Variants in TUBGCP6 observed in about 807,000 individuals in gnomAD.
TUBGCP6 encodes gamma-tubulin complex component 6.
In TUBGCP6, 161 loss-of-function variants were observed where a neutral mutation model predicts 175.8. The ratio of observed to expected loss-of-function variants is 0.92; its 90% confidence interval spans 0.81 to 1.04. The LOEUF is 1.04. TUBGCP6 is among the 50% of genes least tolerant of loss of function. The pLI, the probability that TUBGCP6 is intolerant of heterozygous loss-of-function variation, is 0.00. For synonymous variants in TUBGCP6, 1,173 were observed against 1,030.5 expected (o/e 1.14, Z -2.65); for missense variants, 2,572 against 2,433.0 (o/e 1.06, Z -1.20).
At chr22:50,238,756 C>G (rs1407098987) in intron 2 of TUBGCP6, among the ~76,000 whole-genome samples, 1 of 152,036 alleles carries the variant, frequency 6.6e-6, no homozygotes. Flanking sequence ...CCAGGATGGT[C>G]TCGATCTCCT....
At chr22:50,228,295 CCTTCCTCT>C (rs2064642830) in intron 4 of TUBGCP6, among the ~76,000 whole-genome samples, 1 of 149,356 alleles carries the variant, frequency 6.7e-6, no homozygotes, top group African/African-American at 2.5e-5. Flanking sequence ...CACCACCAAC[CCTTCCTCT>C]CATCTGAGCC....
rs962939627 is a variant in TUBGCP6 at position 50,244,250 on chromosome 22, G to T, written c.210C>A (p.Ile70=). ...CTCTCAAGTCAAAGGACAACATGAG[G>T]ATCTTGTTTCTCGCTGGTAGTTTTG... is the stretch of plus-strand genomic sequence containing the variant. The part of the protein sequence containing the change: ...DMSKLPARNK[I]LMLSFDLRVG... Residue 70 remains isoleucine (I), a synonymous_variant, in exon 1 of 25, where the codon ATC becomes ATA. Transcript: ENST00000248846. The T allele has an allele frequency of 6.2e-7, 1 of 1,613,536 alleles. No homozygotes were observed. Among genetic ancestry groups the T allele is most frequent in the South Asian group, 1.1e-5 (1 of 91,086 alleles).
Position 50,221,220 on chromosome 22 carries a change from G to A in TUBGCP6, c.3139C>T (p.Arg1047Trp), listed in dbSNP as rs538652140. ...GDYASEIAPT[R>W]PRWNTHGHVS... The stretch of plus-strand genomic sequence containing the variant: ...TGCCCGTGGGTGTTCCACCGTGGCC[G>A]GGTGGGAGCTATTTCAGAAGCGTAG... The change falls in exon 16 of 25, where the codon CGG becomes TGG. Residue 1047 changes from arginine (R) to tryptophan (W), a missense_variant. By Grantham distance (101) the Arg-to-Trp change is moderately radical. Coordinates refer to ENST00000248846, the MANE Select transcript of TUBGCP6 (RefSeq NM_020461.4). The A allele has an allele frequency of 3.8e-5, 61 of 1,614,096 alleles. No individual in the cohort carries two copies. Among genetic ancestry groups the A allele is most frequent in the South Asian group, 3.5e-4 (32 of 91,080 alleles).
intron 1 of TUBGCP6, among the ~76,000 whole-genome samples, chr22:50,243,091 G>A (rs1335277348): frequency 6.6e-6 from 1 of 152,160 alleles, no homozygotes; most frequent in Non-Finnish European, 1.5e-5. Flanking sequence ...GAGACGGGTG[G>A]ATCATTTGAG....
rs569573797 is a variant in TUBGCP6, at chr22:50,228,710, G to A, written c.1291-682C>T. ...TCTGCCTAGAAGCTCTCCCCGCCCCGTGCAGCTCCCACCATGCCCACCTCC... is the reference window on the plus strand; with the variant it reads ...TCTGCCTAGAAGCTCTCCCCGCCCCATGCAGCTCCCACCATGCCCACCTCC... On this transcript the variant is annotated intron_variant, in intron 4 of 24. Coordinates refer to ENST00000248846, the MANE Select transcript of TUBGCP6 (RefSeq NM_020461.4). Among the ~76,000 whole-genome samples, 32 of 152,060 alleles carry A rather than the reference G, an allele frequency of 2.1e-4. No individual in the cohort carries two copies. The East Asian group carries it at 2.1e-3, about 10-fold the overall frequency.
chr22:50,229,066 T>C (rs2064655600), intron 4 of TUBGCP6, among the ~76,000 whole-genome samples: 1 of 152,074 alleles, frequency 6.6e-6, no homozygotes, highest in Non-Finnish European at 1.5e-5. Flanking sequence ...GCGCTGTCAG[T>C]CATCCACAAT....
intron 2 of TUBGCP6, 125 bp from the exon 3 acceptor site, chr22:50,233,651 A>G: frequency 1.1e-6 from 1 of 951,438 alleles, no homozygotes; most frequent in Non-Finnish European, 1.6e-6. Context: ...ATAAACTCTA[A>G]GAAACATAGC....
chr22:50,230,010 A>C (rs1347497147), intron 3 of TUBGCP6, among the ~76,000 whole-genome samples: 1 of 152,170 alleles, frequency 6.6e-6, no homozygotes, highest in Non-Finnish European at 1.5e-5. Flanking sequence ...GGAGACCCCC[A>C]ATAGAGGGCT....
Position 50,221,199 on chromosome 22 carries a change from C to G in TUBGCP6, c.3160G>C (p.Gly1054Arg), listed in dbSNP as rs780441558. 1.2e-6 allele frequency: 2 copies of G among 1,611,836 alleles called. No individual in the cohort carries two copies. Among genetic ancestry groups the G allele is most frequent in the Non-Finnish European group, 1.7e-6 (2 of 1,178,138 alleles). The change falls in exon 16 of 25, where the codon GGG becomes CGG. Residue 1054 changes from glycine to arginine, a missense_variant. Physicochemically the swap from Gly to Arg is moderately radical, Grantham distance 125 (BLOSUM62 -2). Coordinates refer to ENST00000248846, the MANE Select transcript of TUBGCP6 (RefSeq NM_020461.4). ...CTGATGCTGGCGTCAGACACGTGCC[C>G]GTGGGTGTTCCACCGTGGCCGGGTG... Reference protein sequence around the residue: ...APTRPRWNTHGHVSDASIRVG... With the variant: ...APTRPRWNTHRHVSDASIRVG...
chr22:50,235,990 CAG>C (rs1354125265), intron 2 of TUBGCP6, among the ~76,000 whole-genome samples: 2 of 150,996 alleles, frequency 1.3e-5, no homozygotes, highest in Admixed American at 1.3e-4. Flanking sequence ...TTAATGGGTT[CAG>C]AGTTTCCTGC....
intron 13 of TUBGCP6, 55 bp downstream of exon 13, chr22:50,224,086 G>T: frequency 6.6e-7 from 1 of 1,511,230 alleles, no homozygotes; most frequent in Admixed American, 1.7e-5. Flanking sequence ...TTAAGCCAGA[G>T]CTATGGGGCC....
At chr22:50,226,242 G>C in intron 8 of TUBGCP6, 45 bp downstream of exon 8, 1 of 1,614,022 alleles carries the variant, frequency 6.2e-7, no homozygotes, top group Non-Finnish European at 8.5e-7. Flanking sequence ...CCTGAACCCA[G>C]GCCCACAGGC....
In TUBGCP6 at chr22:50,226,189, T is replaced by G. The variant is rs201069354; in HGVS notation, c.1694A>C (p.Asp565Ala). The change falls in exon 9 of 25, where the codon GAT (aspartate) becomes GCT (alanine). Residue 565 changes from aspartate (D) to alanine (A), a missense_variant and splice_region_variant. Coordinates refer to ENST00000248846, the MANE Select transcript of TUBGCP6 (RefSeq NM_020461.4). ...GTAGCCATGTGTCCAGTACAACTTA[T>G]CTAAGGTAGGGTGAACACCACGGTG... ...QVNHEYLSFR[D>A]KLYWTHGYVL... is the part of the protein sequence containing the mutation. 9 of 1,613,994 alleles carry G rather than the reference T, an allele frequency of 5.6e-6. No homozygotes were observed. The highest frequency in any genetic ancestry group is 7.6e-6 in the Non-Finnish European group (9 of 1,180,038).
At chr22:50,233,016 C>T (rs1026182727) in intron 3 of TUBGCP6, among the ~76,000 whole-genome samples, 9 of 152,218 alleles carry the variant, frequency 5.9e-5, no homozygotes, top group African/African-American at 2.2e-4. Context: ...GCTCGGAAGG[C>T]GCCTGGCACT....
intron 13 of TUBGCP6, chr22:50,223,439 G>GC (rs1569113944): frequency 1.3e-5 from 2 of 152,992 alleles, no homozygotes; most frequent in East Asian, 3.9e-4. Flanking sequence ...CACAGGACAG[G>GC]TTGATAACAG....
chr22:50,217,737 C>T lies in TUBGCP6; in HGVS notation c.5459G>A (p.Ter1820=), dbSNP rs1455851677. 6.2e-7 allele frequency: 1 copy of T among 1,613,838 alleles called. No homozygotes were observed. Residue 1820 remains the stop codon, a stop_retained_variant, in exon 25 of 25, where the codon TGA becomes TAA. Transcript: ENST00000248846. ...GTGCACGTCCCCCGCAGAGCAGCCT[C>T]AGGCGTCCTGGTAGTAGTTGTTGAA... ...INFNNYYQDA[*]
chr22:50,232,112 C>T (rs1207086288), intron 3 of TUBGCP6, among the ~76,000 whole-genome samples: 1 of 151,702 alleles, frequency 6.6e-6, no homozygotes, highest in African/African-American at 2.4e-5. Context: ...TGCCTGTAAT[C>T]CTAGCACTTT....
intron 7 of TUBGCP6, 39 bp downstream of exon 7, chr22:50,226,694 G>T: frequency 1.3e-6 from 2 of 1,505,180 alleles, no homozygotes; most frequent in Non-Finnish European, 1.8e-6. Context: ...TGCCTGGTGG[G>T]AGTGCGCGCC....
chr22:50,240,806 A>G (rs2064829659), intron 1 of TUBGCP6, among the ~76,000 whole-genome samples: 2 of 152,208 alleles, frequency 1.3e-5, no homozygotes, highest in Admixed American at 1.3e-4. Context: ...CCTGGCCAGC[A>G]TGTGAAACCC....
Sources: gnomAD v4.1 joint callset for allele counts (sites outside exome capture counted in the v4.1 genomes callset) on GRCh38, gnomAD v4.1.1 for gene constraint, MANE v1.5 for transcripts, NCBI Gene and HGNC (gene_info 2026-07-23, HGNC 2026-07-21) for gene names.